The following AGMO variants were observed in gnomAD, a reference collection of about 807,000 sequenced individuals.
AGMO encodes the protein glyceryl-ether monooxygenase.
A neutral mutation model predicts 60.2 loss-of-function variants in AGMO; 75 were observed. That is an observed-to-expected ratio of 1.25 (90% confidence interval 1.03 to 1.51). The LOEUF is 1.51. AGMO is among the 40% of genes most tolerant of loss of function. The pLI is 0.00. For missense variants in AGMO, 763 were observed against 525.5 expected (o/e 1.45, Z -4.42); for synonymous variants, 261 against 177.1 (o/e 1.47, Z -3.76).
the AGMO span, among the ~76,000 whole-genome samples, chr7:15,185,724 T>C: frequency 1.3e-5 from 2 of 152,220 alleles, no homozygotes; most frequent in African/African-American, 2.4e-5. Flanking sequence ...GCTGAGGCAC[T>C]GAACCACAGG....
intron 2 of AGMO, among the ~76,000 whole-genome samples, chr7:15,550,353 C>T (rs894172996): frequency 5.9e-5 from 9 of 152,042 alleles, no homozygotes; most frequent in Admixed American, 5.2e-4. Flanking sequence ...ACAAAACACC[C>T]TTCAAAAAAT....
At chr7:15,466,281 C>G (rs1172713355) in intron 3 of AGMO, among the ~76,000 whole-genome samples, 2 of 152,090 alleles carry the variant, frequency 1.3e-5, no homozygotes, top group African/African-American at 2.4e-5. Flanking sequence ...GTTCAAAACA[C>G]AAAGTAATTA....
chr7:15,269,932 G>T (rs147429244), intron 12 of AGMO, among the ~76,000 whole-genome samples: 1 of 152,140 alleles, frequency 6.6e-6, no homozygotes, highest in Admixed American at 6.6e-5. Flanking sequence ...TGCTGCAAAA[G>T]ACATTATTTC....
intron 10 of AGMO, among the ~76,000 whole-genome samples, chr7:15,377,870 T>G (rs567569388): frequency 6.6e-6 from 1 of 152,144 alleles, no homozygotes; most frequent in African/African-American, 2.4e-5. Flanking sequence ...GGTGGTTTGA[T>G]GTTTAGGTGT....
At chr7:15,339,281 A>G (rs1369926714) in intron 12 of AGMO, among the ~76,000 whole-genome samples, 1 of 152,216 alleles carries the variant, frequency 6.6e-6, no homozygotes, top group African/African-American at 2.4e-5. Flanking sequence ...GACATGGAAG[A>G]CAAAGTTTGT....
At chr7:15,324,005 T>C (rs1781261232) in intron 12 of AGMO, among the ~76,000 whole-genome samples, 1 of 152,244 alleles carries the variant, frequency 6.6e-6, no homozygotes, top group South Asian at 2.1e-4. Flanking sequence ...AAAACTGTAA[T>C]TTGTATTAAA....
At chr7:15,217,675 A>C (rs1294042466) in intron 12 of AGMO, among the ~76,000 whole-genome samples, 1 of 152,040 alleles carries the variant, frequency 6.6e-6, no homozygotes, top group Non-Finnish European at 1.5e-5. Context: ...AATCACTCAG[A>C]AGAAAATAAT....
intron 3 of AGMO, among the ~76,000 whole-genome samples, chr7:15,459,108 TG>T (rs201133710): frequency 2.6e-5 from 4 of 152,068 alleles, no homozygotes; most frequent in African/African-American, 7.2e-5. Context: ...ATTTAAGAAG[TG>T]GGTTTTTTTT....
intron 12 of AGMO, among the ~76,000 whole-genome samples, chr7:15,255,337 G>C (rs1295516714): frequency 6.6e-6 from 1 of 152,142 alleles, no homozygotes; most frequent in Admixed American, 6.5e-5. Context: ...TTCTGCACAT[G>C]TACCCCAGAA....
chr7:15,332,344 G>A (rs1247355509), intron 12 of AGMO, among the ~76,000 whole-genome samples: 2 of 152,056 alleles, frequency 1.3e-5, no homozygotes, highest in African/African-American at 2.4e-5. Flanking sequence ...GCAAGAAATT[G>A]AGTTCATCTA....
intron 3 of AGMO, among the ~76,000 whole-genome samples, chr7:15,514,001 A>G (rs1295629048): frequency 6.6e-6 from 1 of 152,102 alleles, no homozygotes; most frequent in Non-Finnish European, 1.5e-5. Context: ...CTTCCTCCAG[A>G]CCCATTTCTT....
At chr7:15,184,322 G>A in the AGMO span, among the ~76,000 whole-genome samples, 1 of 114,652 alleles carries the variant, frequency 8.7e-6, no homozygotes, top group South Asian at 3.7e-4. Flanking sequence ...AGGGAAGGAG[G>A]GAAGGAGGAA....
chr7:15,260,818 C>T (rs565109348), intron 12 of AGMO, among the ~76,000 whole-genome samples: 8 of 152,170 alleles, frequency 5.3e-5, no homozygotes, highest in Non-Finnish European at 1.2e-4. Flanking sequence ...CAAGTACTCT[C>T]TCTGACCACA....
At chr7:15,468,544 T>C (rs980065390) in intron 3 of AGMO, among the ~76,000 whole-genome samples, 4 of 152,078 alleles carry the variant, frequency 2.6e-5, no homozygotes, top group Non-Finnish European at 5.9e-5. Flanking sequence ...CATATGTATA[T>C]ATGCTTATAC....
chr7:15,480,971 T>C (rs565417945), intron 3 of AGMO, among the ~76,000 whole-genome samples: 2 of 152,236 alleles, frequency 1.3e-5, no homozygotes, highest in African/African-American at 4.8e-5. Flanking sequence ...ATAATTAATG[T>C]ATAAACATTA....
At chr7:15,419,842 T>G (rs1780878146) in intron 4 of AGMO, among the ~76,000 whole-genome samples, 1 of 152,030 alleles carries the variant, frequency 6.6e-6, no homozygotes, top group Non-Finnish European at 1.5e-5. Flanking sequence ...TTCCTGAAAT[T>G]AGTGGCGGAG....
the AGMO span, among the ~76,000 whole-genome samples, chr7:15,130,248 CTTT>C: frequency 1.3e-5 from 2 of 151,602 alleles, no homozygotes; most frequent in African/African-American, 4.8e-5. Context: ...ATTTATTTTC[CTTT>C]TTTTCTTTCA....
intron 10 of AGMO, among the ~76,000 whole-genome samples, chr7:15,369,477 T>TC (rs376457507): frequency 2.3e-4 from 35 of 152,194 alleles, no homozygotes; most frequent in African/African-American, 7.7e-4. Context: ...ACAAACATTT[T>TC]CCCCACTCAA....
chr7:15,227,520 AAAG>A (rs1464290411), intron 12 of AGMO, among the ~76,000 whole-genome samples: 24 of 152,018 alleles, frequency 1.6e-4, no homozygotes, highest in African/African-American at 5.6e-4. Context: ...AAAAAAAAAA[AAAG>A]AAGCAACTTA....
Sources: gnomAD v4.1 joint callset for allele counts (sites outside exome capture counted in the v4.1 genomes callset) on GRCh38, gnomAD v4.1.1 for gene constraint, MANE v1.5 for transcripts, NCBI Gene and HGNC (gene_info 2026-07-23, HGNC 2026-07-21) for gene names.